The following NCKAP5 variants were observed in gnomAD, a reference collection of about 807,000 sequenced individuals.
The protein encoded by NCKAP5 is NCK associated protein 5, also known as nck-associated protein 5.
Under a neutral mutation model 167.0 loss-of-function variants are expected in NCKAP5, and 92 were observed. The ratio of observed to expected loss-of-function variants is 0.55; its 90% CI spans 0.47 to 0.66. The LOEUF (loss-of-function observed/expected upper bound fraction) is 0.66, where lower values mean the gene tolerates loss of function less well. NCKAP5 is among the 30% of genes least tolerant of loss of function. The pLI, the probability that NCKAP5 is intolerant of heterozygous loss-of-function variation, is 0.00. For synonymous variants in NCKAP5, 891 were observed against 877.4 expected, an observed-to-expected ratio of 1.02 and a Z score of -0.27; for missense variants, 2,378 against 2,315.0, an observed-to-expected ratio of 1.03 and a Z score of -0.56.
At chr2:133,187,873 G>C (rs1019808564) in intron 5 of NCKAP5, among the ~76,000 whole-genome samples, 4 of 151,858 alleles carry the variant, frequency 2.6e-5, no homozygotes, top group Non-Finnish European at 4.4e-5. Flanking sequence ...ATATGCGTTT[G>C]CACGTGAGAT....
intron 2 of NCKAP5, among the ~76,000 whole-genome samples, chr2:133,519,195 A>G (rs78275021): frequency 0.1 from 15,685 of 152,174 alleles, 1,363 homozygotes; most frequent in African/African-American, 0.23. Flanking sequence ...ATGGGCTCAT[A>G]TTCCAGCTTA....
At chr2:132,836,808 G>A (rs1266943060) in intron 11 of NCKAP5, among the ~76,000 whole-genome samples, 1 of 152,104 alleles carries the variant, frequency 6.6e-6, no homozygotes, top group Non-Finnish European at 1.5e-5. Context: ...TAAGGCTGCT[G>A]TACAGCTGTT....
At position 133,499,434 on chromosome 2, in the gene NCKAP5, T is replaced by G. The variant is rs1682277226; in HGVS notation, c.69+18024A>C. ...TCATAAACACATTTTCAAAAGGCCA[T>G]GCAAAAAAACCAACACCAGGTGGAC... is the stretch of plus-strand genomic sequence containing the variant. On this transcript the variant is annotated intron_variant, in intron 3 of 19. Coordinates refer to ENST00000409261, the MANE Select transcript of NCKAP5 (RefSeq NM_207363.3). 3.9e-5 allele frequency among the ~76,000 whole-genome samples: 6 copies of G among 152,312 alleles called. 1 individual carries two copies. In the South Asian group the frequency reaches 8.3e-4, roughly 21 times the overall value.
chr2:133,262,489 T>C (rs1262402459), intron 4 of NCKAP5, among the ~76,000 whole-genome samples: 2 of 152,222 alleles, frequency 1.3e-5, no homozygotes, highest in African/African-American at 4.8e-5. Flanking sequence ...CTTAAAGCAC[T>C]TTGTAGGCTA....
chr2:132,813,286 C>A (rs571721851), intron 11 of NCKAP5, among the ~76,000 whole-genome samples: 7 of 152,306 alleles, frequency 4.6e-5, no homozygotes, highest in African/African-American at 1.7e-4. Context: ...TCACTTTCTG[C>A]AAAATACATG....
At chr2:132,800,585 C>T (rs771987924) in intron 11 of NCKAP5, among the ~76,000 whole-genome samples, 1 of 152,132 alleles carries the variant, frequency 6.6e-6, no homozygotes, top group Non-Finnish European at 1.5e-5. Flanking sequence ...AGGCTGGCTT[C>T]GCTGTCTCTG....
At position 133,105,421 on chromosome 2, in the gene NCKAP5, A is replaced by G. The variant is rs115947515; in HGVS notation, c.341+24557T>C. ...TGGGAAATTCTAATTGTTCTCATCT[A>G]TAAGAGAATAAAATACTAATTTGCA... On this transcript the variant is annotated intron_variant, in intron 6 of 19. Transcript: ENST00000409261. Among the ~76,000 whole-genome samples, 600 of 152,354 alleles carry G rather than the reference A, an allele frequency of 3.9e-3. 2 individuals carry two copies. The highest frequency in any genetic ancestry group is 0.014 in the African/African-American group (571 of 41,588).
chr2:133,385,051 C>T (rs1431373758), intron 3 of NCKAP5, among the ~76,000 whole-genome samples: 1 of 152,164 alleles, frequency 6.6e-6, no homozygotes, highest in African/African-American at 2.4e-5. Context: ...TTTCTCCTGC[C>T]TGATTGCCCT....
chr2:133,609,802 G>A, the NCKAP5 span, among the ~76,000 whole-genome samples: 1 of 152,108 alleles, frequency 6.6e-6, no homozygotes, highest in Non-Finnish European at 1.5e-5. Context: ...AAAAATATTA[G>A]GAACATTTCT....
At chr2:133,562,806 T>C (rs1360479676) in intron 1 of NCKAP5, among the ~76,000 whole-genome samples, 2 of 152,360 alleles carry the variant, frequency 1.3e-5, no homozygotes, top group Middle Eastern at 3.4e-3. Context: ...GGAAGTACCC[T>C]GTGTAATTGA....
At chr2:132,913,829 T>G (rs1320982425) in intron 8 of NCKAP5, among the ~76,000 whole-genome samples, 3 of 152,292 alleles carry the variant, frequency 2.0e-5, no homozygotes, top group African/African-American at 7.2e-5. Context: ...TGGAGAAAAC[T>G]CTTGTCATAA....
At chr2:133,556,502 C>T (rs1379185126) in intron 2 of NCKAP5, among the ~76,000 whole-genome samples, 1 of 152,158 alleles carries the variant, frequency 6.6e-6, no homozygotes, top group African/African-American at 2.4e-5. Context: ...TTATGAAACC[C>T]ATAAAGATAA....
intron 16 of NCKAP5, among the ~76,000 whole-genome samples, chr2:132,770,227 C>T (rs891329752): frequency 5.3e-5 from 8 of 151,648 alleles, no homozygotes; most frequent in Non-Finnish European, 7.4e-5. Flanking sequence ...AATATGTGGC[C>T]GAAAAAGGTA....
intron 6 of NCKAP5, among the ~76,000 whole-genome samples, chr2:133,119,815 T>G (rs1224410508): frequency 6.6e-6 from 1 of 151,796 alleles, no homozygotes; most frequent in South Asian, 2.1e-4. Flanking sequence ...ATAAGCAAGT[T>G]ACCTCATTTT....
chr2:133,562,660 G>C (rs1321399095), intron 1 of NCKAP5, among the ~76,000 whole-genome samples: 1 of 152,078 alleles, frequency 6.6e-6, no homozygotes, highest in African/African-American at 2.4e-5. Context: ...CTTTCCTCTT[G>C]AACTCAGTCC....
intron 3 of NCKAP5, among the ~76,000 whole-genome samples, chr2:133,378,880 G>A (rs1314216982): frequency 1.3e-5 from 2 of 152,134 alleles, no homozygotes; most frequent in African/African-American, 2.4e-5. Context: ...ATTGTGGAGC[G>A]GTGACTTGTT....
At chr2:133,417,586 C>T (rs1689201646) in intron 3 of NCKAP5, among the ~76,000 whole-genome samples, 1 of 152,194 alleles carries the variant, frequency 6.6e-6, no homozygotes, top group South Asian at 2.1e-4. Context: ...GAGCCCCAGG[C>T]TTTGTTACCT....
chr2:133,117,631 G>A (rs2082124028), intron 6 of NCKAP5: 1 of 152,166 alleles, frequency 6.6e-6, no homozygotes, highest in East Asian at 1.9e-4. Context: ...TTCTGAAAAG[G>A]CAATAGACTT....
intron 3 of NCKAP5, among the ~76,000 whole-genome samples, chr2:133,384,047 G>C (rs1302038592): frequency 6.6e-6 from 1 of 152,124 alleles, no homozygotes; most frequent in Non-Finnish European, 1.5e-5. Flanking sequence ...CTGTGCAGAA[G>C]CTCTTTAGTT....
Sources: gnomAD v4.1 joint callset for allele counts (sites outside exome capture counted in the v4.1 genomes callset) on GRCh38, gnomAD v4.1.1 for gene constraint, MANE v1.5 for transcripts, NCBI Gene and HGNC (gene_info 2026-07-23, HGNC 2026-07-21) for gene names.